SIPA1: variants seen among roughly 807,000 people sequenced by gnomAD.
SIPA1 encodes signal-induced proliferation-associated 1.
A neutral mutation model predicts 88.1 loss-of-function variants in SIPA1; 51 were observed. The ratio of observed to expected loss-of-function variants is 0.58; its 90% CI spans 0.46 to 0.73. The LOEUF (loss-of-function observed/expected upper bound fraction) is 0.73, where lower values mean the gene tolerates loss of function less well. Ranked by LOEUF, SIPA1 falls within the 30% of genes least tolerant of loss-of-function variation. The probability of loss-of-function intolerance (pLI) is 0.00; values close to 1 mark genes in which losing one functional copy is unlikely to be tolerated. For synonymous variants in SIPA1, 681 were observed against 664.8 expected (o/e 1.02, Z -0.37); for missense variants, 1,348 against 1,467.6 (o/e 0.92, Z 1.33).
At chr11:65,640,539 G>C (rs911155053) in intron 1 of SIPA1, among the ~76,000 whole-genome samples, 2 of 152,238 alleles carry the variant, frequency 1.3e-5, no homozygotes, top group African/African-American at 4.8e-5. Context: ...CCAGGCCAAA[G>C]CTAAGGTGTG....
In SIPA1 at chr11:65,644,966, A is replaced by G. The variant is rs1216309496; in HGVS notation, c.996A>G (p.Gln332=). ...LTLDEQVLSF[Q]RKVGILYCRA... ...TCTCCCACCCACAGCTGAGCTTCCAACGCAAGGTGGGCATCCTGTACTGCC... is the reference window on the plus strand; with the variant it reads ...TCTCCCACCCACAGCTGAGCTTCCAGCGCAAGGTGGGCATCCTGTACTGCC... The change falls in exon 5 of 16, where the codon CAA becomes CAG. Residue 332 remains glutamine (Q), a synonymous_variant. Coordinates refer to ENST00000534313, the MANE Select transcript of SIPA1 (RefSeq NM_006747.4). The G allele has an allele frequency of 6.2e-6, 10 of 1,612,942 alleles. No individual in the cohort carries two copies. Among genetic ancestry groups the G allele is most frequent in the Non-Finnish European group, 8.5e-6 (10 of 1,179,256 alleles).
rs945236130 is a variant in SIPA1 at position 65,641,262 on chromosome 11, G to C, written c.341G>C (p.Arg114Pro). 1.9e-6 allele frequency: 3 copies of C among 1,613,432 alleles called. No individual in the cohort carries two copies. The highest frequency in any genetic ancestry group is 2.5e-6 in the Non-Finnish European group (3 of 1,180,030). The change falls in exon 2 of 16, where the codon CGA becomes CCA. Residue 114 changes from arginine (R) to proline (P), a missense_variant. Around this residue, in one of 4 missense-constraint regions of SIPA1, gnomAD observed 641 missense variants for 797.7 expected, o/e 0.80. Transcript: ENST00000534313. ...GCCTTCCCACCAGTGCTTGAGCCTCGATGGTTTGCCCACTATGACGTGCAA... is the reference window on the plus strand; with the variant it reads ...GCCTTCCCACCAGTGCTTGAGCCTCCATGGTTTGCCCACTATGACGTGCAA... Reference protein sequence around the residue: ...EPAFPPVLEPRWFAHYDVQSL... With the variant: ...EPAFPPVLEPPWFAHYDVQSL...
intron 4 of SIPA1, among the ~76,000 whole-genome samples, chr11:65,643,232 A>G (rs1446190984): frequency 6.6e-6 from 1 of 152,182 alleles, no homozygotes. Context: ...TGCATTTTAA[A>G]AAGATATTTG....
chr11:65,641,617 C>G lies in SIPA1; in HGVS notation c.679+17C>G. The G allele has an allele frequency of 6.3e-7, 1 of 1,589,906 alleles. No individual in the cohort carries two copies. ...ATGGCAAAGGTGAGGAAAGGCAGTT[C>G]CAGGGAGTGGAGGAGGGGGGCTGAA... On this transcript the variant is annotated intron_variant, in intron 2 of 15. Coordinates refer to ENST00000534313, the MANE Select transcript of SIPA1 (RefSeq NM_006747.4).
intron 9 of SIPA1, among the ~76,000 whole-genome samples, chr11:65,648,410 ACT>A (rs1203176724): frequency 6.6e-6 from 1 of 152,122 alleles, no homozygotes. Flanking sequence ...TGCCGCAGCT[ACT>A]CTGTCGTAGG....
chr11:65,639,895 G>A (rs1272764059), intron 1 of SIPA1: 1 of 152,286 alleles, frequency 6.6e-6, no homozygotes, highest in Non-Finnish European at 1.5e-5. Flanking sequence ...GCCTGGAGAT[G>A]GGCAGACCCA....
In SIPA1 at chr11:65,646,009, C is replaced by A; in HGVS notation, c.1263+52C>A. On this transcript the variant is annotated intron_variant, in intron 6 of 15. Transcript: ENST00000534313. This position sits in a 1 kb window ranked among gnomAD's most constrained non-coding sequence, Gnocchi z 7.5. ...GGGCTTCCGGGAACCATGGAGGGCC[C>A]TGCATGGCCCATGACGTTTGAGCTT... is the stretch of plus-strand genomic sequence containing the variant. 7.1e-7 allele frequency: 1 copy of A among 1,412,484 alleles called. No individual in the cohort carries two copies. The highest frequency in any genetic ancestry group is 9.9e-7 in the Non-Finnish European group (1 of 1,011,812). The allele number at this position is 1,412,484 out of a possible 1,614,324, so 87.5% of individuals were successfully genotyped here. A position where few individuals can be genotyped will look rare whatever the true frequency, so the allele number is the denominator to read the frequency against.
In SIPA1 at chr11:65,642,985, A is replaced by G. The variant is rs2135513006; in HGVS notation, c.984+346A>G. 6.6e-6 allele frequency among the ~76,000 whole-genome samples: 1 copy of G among 152,052 alleles called. No homozygotes were observed. The highest frequency in any genetic ancestry group is 1.9e-4 in the East Asian group (1 of 5,176). On this transcript the variant is annotated intron_variant, in intron 4 of 15. Transcript: ENST00000534313. The surrounding 1 kb of genome is among the most constrained non-coding windows in gnomAD (Gnocchi z 6.5). ...GGCTGGAGTGCAATGGTGGAATCTC[A>G]GCTCACTGCAACCTCTGCCTTCCGG...
rs200828887 is a variant in SIPA1 at position 65,641,112 on chromosome 11, C to A, written c.191C>A (p.Thr64Lys). ...GATGCAGGCGAGGCCAGGCCCCCCACGCCAGCCAGCCCCCGTGCCCGTGCC... is the reference window on the plus strand; with the variant it reads ...GATGCAGGCGAGGCCAGGCCCCCCAAGCCAGCCAGCCCCCGTGCCCGTGCC... Reference protein sequence around the residue: ...GSDAGEARPPTPASPRARAHS... With the variant: ...GSDAGEARPPKPASPRARAHS... The change falls in exon 2 of 16, where the codon ACG (threonine) becomes AAG (lysine). Residue 64 changes from threonine to lysine, a missense_variant. This residue lies in a region of SIPA1 where 641 missense variants were observed against 797.7 expected (regional missense o/e 0.80). Coordinates refer to ENST00000534313, the MANE Select transcript of SIPA1 (RefSeq NM_006747.4). 1 of 1,601,156 alleles carries A rather than the reference C, an allele frequency of 6.2e-7. No individual in the cohort carries two copies. The highest frequency in any genetic ancestry group is 1.3e-5 in the African/African-American group (1 of 74,984).
At position 65,647,434 on chromosome 11, in the gene SIPA1, T is replaced by C; in HGVS notation, c.2082T>C (p.Gly694=). Residue 694 remains glycine, a synonymous_variant, in exon 9 of 16, where the codon GGT becomes GGC. Transcript: ENST00000534313. Reference sequence around the variant, plus strand: ...GCGAGCTGGCGCTGCCCCGCGACGGTCAAGGCCGCCTGGGCTTCGAGGTGG... The same window carrying C: ...GCGAGCTGGCGCTGCCCCGCGACGGCCAAGGCCGCCTGGGCTTCGAGGTGG... The part of the protein sequence containing the change: ...ETRELALPRD[G]QGRLGFEVDA... 1 of 1,480,232 alleles carries C rather than the reference T, an allele frequency of 6.8e-7. No homozygotes were observed. Among genetic ancestry groups the C allele is most frequent in the South Asian group, 1.3e-5 (1 of 79,878 alleles). The allele number at this position is 1,480,232 out of a possible 1,614,324, so 91.7% of individuals were successfully genotyped here. A position where few individuals can be genotyped will look rare whatever the true frequency, so the allele number is the denominator to read the frequency against.
rs1006757780 is a variant in SIPA1, at chr11:65,645,945, T to A, written c.1251T>A (p.Asn417Lys). 1.9e-6 allele frequency: 3 copies of A among 1,611,394 alleles called. No individual in the cohort carries two copies. In the African/African-American group the frequency reaches 4.0e-5, roughly 22 times the overall value. Reference protein sequence around the residue: ...HVSTMLPYTPNNQQQLLRKRH... With the variant: ...HVSTMLPYTPKNQQQLLRKRH... ...CCACGATGCTGCCTTACACCCCTAATAACCAGCAGCAGGTGTGAGGGGGAC... is the reference window on the plus strand; with the variant it reads ...CCACGATGCTGCCTTACACCCCTAAAAACCAGCAGCAGGTGTGAGGGGGAC... Residue 417 changes from asparagine to lysine, a missense_variant, in exon 6 of 16, where the codon AAT becomes AAA. Physicochemically the swap from Asn to Lys is moderately conservative, Grantham distance 94. Transcript: ENST00000534313.
Position 65,640,916 on chromosome 11 carries a change from C to A in SIPA1, c.-6C>A. 1 of 1,491,494 alleles carries A rather than the reference C, an allele frequency of 6.7e-7. No individual in the cohort carries two copies. Among genetic ancestry groups the A allele is most frequent in the Non-Finnish European group, 8.9e-7 (1 of 1,129,822 alleles). 92.4% of individuals were successfully genotyped at this position (1,491,494 alleles called of 1,614,324 possible). ...CCCAGCCCCCGGAGAGTCAGGCCCA[C>A]AGAGCATGCCCATGTGGGCCGGCGG... On this transcript the variant is annotated 5_prime_UTR_variant, in exon 2 of 16. Transcript: ENST00000534313.
rs1357454779 is a variant in SIPA1, at chr11:65,649,594, C to T, written c.2559C>T (p.Asn853=). 3.1e-6 allele frequency: 5 copies of T among 1,614,126 alleles called. No homozygotes were observed. Among genetic ancestry groups the T allele is most frequent in the Non-Finnish European group, 4.2e-6 (5 of 1,180,024 alleles). The change falls in exon 11 of 16, where the codon AAC becomes AAT. Residue 853 remains asparagine (N), a synonymous_variant. Coordinates refer to ENST00000534313, the MANE Select transcript of SIPA1 (RefSeq NM_006747.4). ...SLSDEAPVLP[N]TTPDLLLATT... is the part of the protein sequence containing the mutation. The stretch of plus-strand genomic sequence containing the variant: ...CGGATGAGGCCCCAGTCCTGCCCAA[C>T]ACCACCCCGGACCTCCTCCTGGCCA...
chr11:65,645,278 G>A lies in SIPA1; in HGVS notation c.1159+149G>A, dbSNP rs946827415. 1.1e-5 allele frequency: 9 copies of A among 789,846 alleles called. No homozygotes were observed. The African/African-American group carries it at 1.6e-4, about 14-fold the overall frequency. The allele number at this position is 789,846 out of a possible 1,614,324, so 48.9% of individuals were successfully genotyped here. ...TAAGGATCTGAGTCAGGGCTATGAG[G>A]GCCAAGCTATGGGCTGAAAAGAGGG... On this transcript the variant is annotated intron_variant, in intron 5 of 15. Coordinates refer to ENST00000534313, the MANE Select transcript of SIPA1 (RefSeq NM_006747.4).
chr11:65,645,419 G>A (rs952126951), intron 5 of SIPA1, among the ~76,000 whole-genome samples: 3 of 152,052 alleles, frequency 2.0e-5, no homozygotes, highest in Non-Finnish European at 4.4e-5. Context: ...GTGGAAGAGA[G>A]GTGCCCCTAC....
chr11:65,649,313 G>T lies in SIPA1; in HGVS notation c.2358G>T (p.Gly786=). 6.4e-7 allele frequency: 1 copy of T among 1,556,462 alleles called. No homozygotes were observed. The highest frequency in any genetic ancestry group is 1.2e-5 in the South Asian group (1 of 84,806). ...CGCTGCAGGAGCCTAGCCGGCGGGG[G>T]GCCCCAGATCCTGTGCAGGATGAGG... is the stretch of plus-strand genomic sequence containing the variant. ...TLSLQEPSRR[G]APDPVQDEVQ... is the part of the protein sequence containing the mutation. The change falls in exon 10 of 16, where the codon GGG becomes GGT. Residue 786 remains glycine, a synonymous_variant. Transcript: ENST00000534313.
rs7118008 is a variant in SIPA1 at position 65,642,905 on chromosome 11, A to C, written c.984+266A>C. Among the ~76,000 whole-genome samples the C allele has an allele frequency of 2.1e-5, 3 of 145,020 alleles. No homozygotes were observed. Among genetic ancestry groups the C allele is most frequent in the African/African-American group, 8.4e-5 (3 of 35,728 alleles). ...CCATCTGAATCAGAGTTTGCACTTT[A>C]TTTATTTATTTATTTATTTATTTAT... is the stretch of plus-strand genomic sequence containing the variant. On this transcript the variant is annotated intron_variant, in intron 4 of 15. Transcript: ENST00000534313. This position sits in a 1 kb window ranked among gnomAD's most constrained non-coding sequence, Gnocchi z 6.5.
At chr11:65,647,702 G>A in intron 9 of SIPA1, 44 bp downstream of exon 9, 2 of 1,305,420 alleles carry the variant, frequency 1.5e-6, no homozygotes, top group Admixed American at 4.3e-5. Flanking sequence ...GCCGGCAGTT[G>A]GCCACCGCGC....
chr11:65,650,909 G>T lies in SIPA1; in HGVS notation c.*194G>T. ...AAAGAGGACTTCAGGGAGTAAAAAA[G>T]CCACTGATGTCTGTGTCTGAACATG... is the stretch of plus-strand genomic sequence containing the variant. On this transcript the variant is annotated 3_prime_UTR_variant, in exon 16 of 16. Transcript: ENST00000534313. 1.6e-6 allele frequency: 1 copy of T among 632,842 alleles called. No homozygotes were observed. The highest frequency in any genetic ancestry group is 2.6e-6 in the Non-Finnish European group (1 of 378,078). 39.2% of individuals were successfully genotyped at this position (632,842 alleles called of 1,614,324 possible).
Sources: gnomAD v4.1 joint callset for allele counts (sites outside exome capture counted in the v4.1 genomes callset) on GRCh38, gnomAD v4.1.1 for gene constraint, gnomAD v4.1.1 regional missense constraint, Gnocchi (gnomAD v3.1) non-coding constraint, MANE v1.5 for transcripts, NCBI Gene and HGNC (gene_info 2026-07-23, HGNC 2026-07-21) for gene names.